SLC13A1: variants seen among roughly 807,000 people sequenced by gnomAD.
The protein encoded by SLC13A1 is Na(+)/sulfate cotransporter.
A neutral mutation model predicts 70.0 loss-of-function variants in SLC13A1; 65 were observed. The observed-to-expected ratio is 0.93, with a 90% CI of 0.76 to 1.14. The LOEUF (loss-of-function observed/expected upper bound fraction) is 1.14. Among genes scored for constraint, SLC13A1 ranks in the 50% most tolerant of loss-of-function variants. The pLI, the probability that SLC13A1 is intolerant of heterozygous loss-of-function variation, is 0.00. For synonymous variants in SLC13A1, 275 were observed against 250.5 expected, an observed-to-expected ratio of 1.10 and a Z score of -0.92; for missense variants, 726 against 717.8, an observed-to-expected ratio of 1.01 and a Z score of -0.13.
chr7:123,137,377 T>C (rs183364503), intron 7 of SLC13A1, among the ~76,000 whole-genome samples: 1 of 152,252 alleles, frequency 6.6e-6, no homozygotes, highest in East Asian at 1.9e-4. Context: ...ACTTAGGTAA[T>C]CAAAGTCCCT....
intron 6 of SLC13A1, among the ~76,000 whole-genome samples, chr7:123,150,866 T>A (rs573218324): frequency 2.0e-5 from 3 of 152,252 alleles, no homozygotes; most frequent in African/African-American, 7.2e-5. Flanking sequence ...AAAACTGGAA[T>A]TTCTTTAAGC....
chr7:123,126,167 T>G lies in SLC13A1; in HGVS notation c.1134-492A>C, dbSNP rs138872264. 9.5e-3 allele frequency among the ~76,000 whole-genome samples: 1,441 copies of G among 152,308 alleles called. 19 individuals carry two copies. The highest frequency in any genetic ancestry group is 0.033 in the African/African-American group (1,364 of 41,572). On this transcript the variant is annotated intron_variant, in intron 10 of 14. Coordinates refer to ENST00000194130, the MANE Select transcript of SLC13A1 (RefSeq NM_022444.4). Reference sequence around the variant, plus strand: ...TCTTCTATAAATTGTGAAAAGGAATTGATCTGTTTTCTGAGATATCACACC... The same window carrying G: ...TCTTCTATAAATTGTGAAAAGGAATGGATCTGTTTTCTGAGATATCACACC...
chr7:123,194,681 G>A (rs188136743), intron 1 of SLC13A1, among the ~76,000 whole-genome samples: 312 of 152,092 alleles, frequency 2.1e-3, no homozygotes, highest in Admixed American at 4.4e-3. Context: ...AGAAGATGAG[G>A]TTGAGAGGGG....
At chr7:123,196,949 A>G (rs1796206365) in intron 1 of SLC13A1, among the ~76,000 whole-genome samples, 1 of 152,166 alleles carries the variant, frequency 6.6e-6, no homozygotes, top group Non-Finnish European at 1.5e-5. Context: ...GGTGAGTTAC[A>G]TGTCTCTGAG....
chr7:123,142,920 G>A (rs970451884), intron 7 of SLC13A1, among the ~76,000 whole-genome samples: 2 of 151,888 alleles, frequency 1.3e-5, no homozygotes, highest in East Asian at 1.9e-4. Flanking sequence ...CCCGGCTGAC[G>A]AAGAGCTCTT....
At chr7:123,147,409 AC>A in intron 6 of SLC13A1, 99 bp from the exon 7 acceptor site, 1 of 1,349,492 alleles carries the variant, frequency 7.4e-7, no homozygotes, top group Non-Finnish European at 1.0e-6. Context: ...ATATGTTGAA[AC>A]CCTAACTCCT....
chr7:123,146,381 T>C (rs1307085345), intron 7 of SLC13A1, among the ~76,000 whole-genome samples: 1 of 152,074 alleles, frequency 6.6e-6, no homozygotes, highest in Non-Finnish European at 1.5e-5. Context: ...AAAAATTAGC[T>C]GGGTATTACG....
chr7:123,156,982 A>T (rs890536455), intron 6 of SLC13A1, among the ~76,000 whole-genome samples: 1 of 152,092 alleles, frequency 6.6e-6, no homozygotes, highest in South Asian at 2.1e-4. Flanking sequence ...ATGCCACTGG[A>T]GAAAATCCCT....
chr7:123,199,192 G>A (rs982281578), intron 1 of SLC13A1, among the ~76,000 whole-genome samples: 18 of 152,118 alleles, frequency 1.2e-4, no homozygotes, highest in African/African-American at 4.1e-4. Flanking sequence ...ACATGCTTGA[G>A]CTTATTGTTC....
At chr7:123,171,965 G>T in intron 2 of SLC13A1, 61 bp from the exon 3 acceptor site, 1 of 1,495,452 alleles carries the variant, frequency 6.7e-7, no homozygotes, top group Non-Finnish European at 9.2e-7. Context: ...CATTGCACAA[G>T]AAAGACATTA....
intron 1 of SLC13A1, among the ~76,000 whole-genome samples, chr7:123,188,881 C>T (rs948860831): frequency 2.0e-5 from 3 of 151,642 alleles, no homozygotes; most frequent in Non-Finnish European, 4.4e-5. Context: ...TTTGGGAGGC[C>T]GAGGCGGGCG....
intron 12 of SLC13A1, among the ~76,000 whole-genome samples, chr7:123,121,425 G>A (rs1467308134): frequency 2.0e-5 from 3 of 152,012 alleles, no homozygotes; most frequent in Non-Finnish European, 4.4e-5. Flanking sequence ...TACAAAGTCA[G>A]TTCCTCTCAA....
intron 6 of SLC13A1, among the ~76,000 whole-genome samples, chr7:123,153,024 A>G (rs1262536116): frequency 2.0e-5 from 3 of 152,100 alleles, no homozygotes; most frequent in Admixed American, 1.3e-4. Flanking sequence ...AAAATATGCA[A>G]TGTTTATATG....
At chr7:123,132,036 C>T (rs1793782145) in intron 8 of SLC13A1, among the ~76,000 whole-genome samples, 1 of 152,168 alleles carries the variant, frequency 6.6e-6, no homozygotes, top group African/African-American at 2.4e-5. Context: ...TCCTGCATTG[C>T]TACCTGCATG....
intron 2 of SLC13A1, among the ~76,000 whole-genome samples, chr7:123,173,425 C>T (rs974160576): frequency 1.2e-4 from 18 of 151,940 alleles, no homozygotes; most frequent in African/African-American, 4.3e-4. Context: ...TATCAATTTC[C>T]TTGCTATTTC....
At chr7:123,117,157 T>G (rs1358221756) in intron 14 of SLC13A1, among the ~76,000 whole-genome samples, 1 of 152,168 alleles carries the variant, frequency 6.6e-6, no homozygotes, top group Non-Finnish European at 1.5e-5. Context: ...CTGGATCAGT[T>G]TGGATCCTAG....
chr7:123,148,900 G>A (rs950985932), intron 6 of SLC13A1, among the ~76,000 whole-genome samples: 3 of 152,086 alleles, frequency 2.0e-5, no homozygotes, highest in Admixed American at 2.0e-4. Context: ...GGAGAGGAGT[G>A]GTAAGGATTA....
chr7:123,193,767 A>T (rs1260143600), intron 1 of SLC13A1, among the ~76,000 whole-genome samples: 2 of 152,160 alleles, frequency 1.3e-5, no homozygotes, highest in Non-Finnish European at 2.9e-5. Context: ...AATTGTCGCT[A>T]TGAGGCTCAC....
intron 3 of SLC13A1, among the ~76,000 whole-genome samples, chr7:123,169,662 A>G (rs1018147714): frequency 6.6e-6 from 1 of 152,156 alleles, no homozygotes; most frequent in African/African-American, 2.4e-5. Flanking sequence ...TATTACACCA[A>G]TATCTGAATG....
Sources: gnomAD v4.1 joint callset for allele counts (sites outside exome capture counted in the v4.1 genomes callset) on GRCh38, gnomAD v4.1.1 for gene constraint, MANE v1.5 for transcripts, NCBI Gene and HGNC (gene_info 2026-07-23, HGNC 2026-07-21) for gene names.